Variants in COL24A1 observed in about 807,000 individuals in gnomAD.
The protein encoded by COL24A1 is collagen alpha-1(XXIV) chain.
In COL24A1, 224 loss-of-function variants were observed where a neutral mutation model predicts 253.9. The ratio of observed to expected loss-of-function variants is 0.88; its 90% confidence interval spans 0.79 to 0.99. The LOEUF (loss-of-function observed/expected upper bound fraction) is 0.99, where lower values mean the gene tolerates loss of function less well. Ranked by LOEUF, COL24A1 falls within the 50% of genes least tolerant of loss-of-function variation. The pLI is 0.00. For synonymous variants in COL24A1, 685 were observed against 673.7 expected (o/e 1.02, Z -0.26); for missense variants, 2,131 against 2,068.5 (o/e 1.03, Z -0.59).
chr1:85,763,514 C>T lies in COL24A1; in HGVS notation c.4375-1948G>A, dbSNP rs1477136860. Among the ~76,000 whole-genome samples the T allele has an allele frequency of 1.9e-4, 22 of 115,148 alleles. No homozygotes were observed. In the South Asian group the frequency reaches 3.4e-3, roughly 18 times the overall value. The allele number at this position is 115,148 out of a possible 152,430, so 75.5% of individuals were successfully genotyped here. A position where few individuals can be genotyped will look rare whatever the true frequency, so the allele number is the denominator to read the frequency against. On this transcript the variant is annotated intron_variant, in intron 53 of 59. Transcript: ENST00000370571. ...TTTCTTTTTTTTTTTTTTTTTGAGA[C>T]GTAGTTTCGCTCTGTTTCCCAGGCT...
chr1:86,007,108 AGG>A, intron 19 of COL24A1, among the ~76,000 whole-genome samples: 1 of 152,154 alleles, frequency 6.6e-6, no homozygotes, highest in African/African-American at 2.4e-5. Context: ...CTCCCTACTC[AGG>A]CGGCTGAGGT....
chr1:85,832,952 T>G (rs1675512034), intron 43 of COL24A1, among the ~76,000 whole-genome samples: 2 of 151,566 alleles, frequency 1.3e-5, no homozygotes, highest in African/African-American at 4.9e-5. Flanking sequence ...GGCCAGAACT[T>G]CCAACACTAT....
chr1:85,959,699 C>T (rs560876), intron 24 of COL24A1, among the ~76,000 whole-genome samples: 39,030 of 151,984 alleles, frequency 0.26, 5,109 homozygotes, highest in Non-Finnish European at 0.28. Flanking sequence ...TGACAAAAAT[C>T]TACTACCTGC....
In COL24A1 at chr1:85,816,878, AAGT is replaced by A; in HGVS notation, c.3858_3860del (p.Leu1287del). On this transcript the variant is annotated inframe_deletion, in exon 47 of 60. Transcript: ENST00000370571. Reference sequence around the variant, plus strand: ...GGTATCCTTGTATGCCTTTTGGCCCAAGTAGGCCTTGAAGTCCCTTGATAATTA... The same window carrying A: ...GGTATCCTTGTATGCCTTTTGGCCCAAGGCCTTGAAGTCCCTTGATAATTA... 7.4e-6 allele frequency: 12 copies of A among 1,613,890 alleles called. No individual in the cohort carries two copies. The highest frequency in any genetic ancestry group is 8.5e-6 in the Non-Finnish European group (10 of 1,179,818).
chr1:85,827,648 CT>C (rs1335954081), intron 43 of COL24A1, among the ~76,000 whole-genome samples: 4 of 151,990 alleles, frequency 2.6e-5, no homozygotes, highest in Admixed American at 6.6e-5. Context: ...CTGGTTTAGT[CT>C]TGGGAGGGTG....
Position 85,730,062 on chromosome 1 carries a change from T to C in COL24A1, c.*484A>G, listed in dbSNP as rs1663326096. The stretch of plus-strand genomic sequence containing the variant: ...CAAAGAGGCAACACGTAAGAGGTAG[T>C]GTATCACCGGCTAAGATGTATATGC... On this transcript the variant is annotated 3_prime_UTR_variant, in exon 60 of 60. Coordinates refer to ENST00000370571, the MANE Select transcript of COL24A1 (RefSeq NM_152890.7). 1 of 152,794 alleles carries C rather than the reference T, an allele frequency of 6.5e-6. No homozygotes were observed. The highest frequency in any genetic ancestry group is 2.4e-5 in the African/African-American group (1 of 41,444). The allele number at this position is 152,794 out of a possible 1,614,324, so 9.5% of individuals were successfully genotyped here. A position where few individuals can be genotyped will look rare whatever the true frequency, so the allele number is the denominator to read the frequency against.
At chr1:85,866,704 G>A (rs111816251) in intron 37 of COL24A1, among the ~76,000 whole-genome samples, 1,648 of 152,252 alleles carry the variant, frequency 0.011, 19 homozygotes, top group Non-Finnish European at 0.016. Flanking sequence ...AACCCGGGAG[G>A]TGGAGGTTGC....
chr1:85,999,060 G>C (rs1266663981), intron 19 of COL24A1, among the ~76,000 whole-genome samples: 4 of 152,216 alleles, frequency 2.6e-5, no homozygotes, highest in African/African-American at 9.6e-5. Flanking sequence ...ATGGGATACT[G>C]ATAGAGACAT....
chr1:85,855,976 T>C (rs983729152), intron 37 of COL24A1, among the ~76,000 whole-genome samples: 3 of 152,226 alleles, frequency 2.0e-5, no homozygotes, highest in Non-Finnish European at 2.9e-5. Flanking sequence ...CTGGTTTGTG[T>C]GCAGAGAGGT....
At chr1:85,997,288 G>A (rs1451308848) in intron 19 of COL24A1, among the ~76,000 whole-genome samples, 2 of 151,518 alleles carry the variant, frequency 1.3e-5, no homozygotes, top group Non-Finnish European at 2.9e-5. Flanking sequence ...GTAGCAAGAG[G>A]GTATAAGTAG....
At chr1:86,138,412 C>G (rs1261463307) in intron 2 of COL24A1, among the ~76,000 whole-genome samples, 1 of 152,050 alleles carries the variant, frequency 6.6e-6, no homozygotes, top group African/African-American at 2.4e-5. Flanking sequence ...TTGGCTGTGT[C>G]CTCACCCAAA....
In COL24A1 at chr1:86,089,245, A is replaced by T; in HGVS notation, c.1654-18T>A. Reference sequence around the variant, plus strand: ...TGATCACCCTATAAACAAAATACAGACGTTTAATGTCATGAAAGAGAACTG... The same window carrying T: ...TGATCACCCTATAAACAAAATACAGTCGTTTAATGTCATGAAAGAGAACTG... On this transcript the variant is annotated intron_variant, in intron 6 of 59. Coordinates refer to ENST00000370571, the MANE Select transcript of COL24A1 (RefSeq NM_152890.7). 3 of 1,557,286 alleles carry T rather than the reference A, an allele frequency of 1.9e-6. No individual in the cohort carries two copies. The highest frequency in any genetic ancestry group is 2.6e-6 in the Non-Finnish European group (3 of 1,158,870).
At chr1:85,775,268 G>T (rs1475273114) in intron 53 of COL24A1, among the ~76,000 whole-genome samples, 1 of 152,124 alleles carries the variant, frequency 6.6e-6, no homozygotes, top group African/African-American at 2.4e-5. Flanking sequence ...TTTTACATTT[G>T]CTGAGGAGTG....
intron 2 of COL24A1, among the ~76,000 whole-genome samples, chr1:86,130,303 G>C (rs1040635083): frequency 6.6e-6 from 1 of 151,752 alleles, no homozygotes; most frequent in Non-Finnish European, 1.5e-5. Context: ...TTTTGATCCA[G>C]TCTGAATTGT....
intron 20 of COL24A1, among the ~76,000 whole-genome samples, chr1:85,981,212 A>AAC (rs1693227982): frequency 6.6e-6 from 1 of 152,164 alleles, no homozygotes; most frequent in African/African-American, 2.4e-5. Context: ...AAGCAAAAAG[A>AAC]ACAAATCTGG....
intron 48 of COL24A1, among the ~76,000 whole-genome samples, chr1:85,785,147 G>C (rs943187769): frequency 1.3e-5 from 2 of 152,086 alleles, no homozygotes; most frequent in Non-Finnish European, 2.9e-5. Context: ...CCTGGTTTTA[G>C]CCATGATTAT....
intron 55 of COL24A1, among the ~76,000 whole-genome samples, chr1:85,754,565 A>G (rs1410853754): frequency 1.3e-5 from 2 of 149,594 alleles, no homozygotes; most frequent in African/African-American, 4.9e-5. Context: ...AAAAAAAAAA[A>G]GAACTAAAGG....
chr1:85,994,113 G>C (rs1183728312), intron 19 of COL24A1, among the ~76,000 whole-genome samples: 1 of 151,540 alleles, frequency 6.6e-6, no homozygotes. Flanking sequence ...AGCATAGTTT[G>C]GCTTAAATGT....
At chr1:85,810,952 T>C (rs1228867842) in intron 47 of COL24A1, among the ~76,000 whole-genome samples, 1 of 152,224 alleles carries the variant, frequency 6.6e-6, no homozygotes, top group Non-Finnish European at 1.5e-5. Context: ...TCCTGAATTA[T>C]TTCTTGTCTT....
Sources: allele counts gnomAD v4.1 joint callset (sites outside exome capture counted in the v4.1 genomes callset), GRCh38; gene constraint gnomAD v4.1.1; transcripts MANE v1.5; gene names NCBI Gene and HGNC (gene_info 2026-07-23, HGNC 2026-07-21).